Variants in PCDH7 observed in about 807,000 individuals in gnomAD.
The protein encoded by PCDH7 is protocadherin 7, also known as protocadherin-7.
A neutral mutation model predicts 58.9 loss-of-function variants in PCDH7; 17 were observed. The ratio of observed to expected loss-of-function variants is 0.29; its 90% CI spans 0.20 to 0.43. PCDH7 has a LOEUF of 0.43. PCDH7 is among the 20% of genes least tolerant of loss of function. PCDH7 has a pLI of 1.00. For synonymous variants in PCDH7, 664 were observed against 616.4 expected (o/e 1.08, Z -1.14); for missense variants, 1,274 against 1,441.0 (o/e 0.88, Z 1.88).
chr4:30,839,378 T>C lies in PCDH7; in HGVS notation c.71-80775T>C, dbSNP rs565287636. Reference sequence around the variant, plus strand: ...AACAGAAGTAACGATAGTTTTTATATAGCTATTGTGTGTAAGCTGCAAAAT... The same window carrying C: ...AACAGAAGTAACGATAGTTTTTATACAGCTATTGTGTGTAAGCTGCAAAAT... On this transcript the variant is annotated intron_variant, in intron 1 of 3. Transcript: ENST00000509759. Among the ~76,000 whole-genome samples the C allele has an allele frequency of 1.3e-4, 20 of 152,290 alleles. No homozygotes were observed. In the East Asian group the frequency reaches 3.7e-3, roughly 28 times the overall value.
At chr4:31,034,047 T>C (rs1348615628) in intron 3 of PCDH7, among the ~76,000 whole-genome samples, 1 of 152,170 alleles carries the variant, frequency 6.6e-6, no homozygotes, top group East Asian at 1.9e-4. Flanking sequence ...TGCGTGGAAA[T>C]CACACCACTG....
intron 1 of PCDH7, among the ~76,000 whole-genome samples, chr4:30,821,711 T>A (rs1728399143): frequency 6.6e-6 from 1 of 152,188 alleles, no homozygotes; most frequent in Admixed American, 6.5e-5. Context: ...ATAAATGGTC[T>A]GTGTTCATGG....
chr4:30,993,539 T>C (rs1181246803), intron 3 of PCDH7, among the ~76,000 whole-genome samples: 5 of 152,144 alleles, frequency 3.3e-5, no homozygotes, highest in Admixed American at 2.6e-4. Flanking sequence ...CCATTCCTAA[T>C]GTAAGTATTA....
intron 3 of PCDH7, among the ~76,000 whole-genome samples, chr4:31,087,702 G>C (rs1383835385): frequency 6.6e-6 from 1 of 152,070 alleles, no homozygotes; most frequent in Non-Finnish European, 1.5e-5. Context: ...CCAATATGAA[G>C]GGAACTAAAA....
At chr4:31,077,091 A>C (rs1282001560) in intron 3 of PCDH7, among the ~76,000 whole-genome samples, 1 of 152,184 alleles carries the variant, frequency 6.6e-6, no homozygotes, top group Admixed American at 6.5e-5. Flanking sequence ...ATACATACAC[A>C]CATAAATCTG....
chr4:30,911,687 T>C (rs1741797342), intron 1 of PCDH7, among the ~76,000 whole-genome samples: 1 of 152,166 alleles, frequency 6.6e-6, no homozygotes, highest in Admixed American at 6.6e-5. Flanking sequence ...CATTTTTCAT[T>C]AGTGGCGGAA....
intron 1 of PCDH7, among the ~76,000 whole-genome samples, chr4:30,888,761 G>A (rs954952327): frequency 2.6e-5 from 4 of 152,168 alleles, no homozygotes; most frequent in African/African-American, 4.8e-5. Flanking sequence ...AGAGTGGTTT[G>A]ACAGACTTGT....
chr4:30,893,090 G>T (rs771778038), intron 1 of PCDH7, among the ~76,000 whole-genome samples: 13 of 151,928 alleles, frequency 8.6e-5, no homozygotes, highest in Non-Finnish European at 1.3e-4. Flanking sequence ...TCATTTTTCT[G>T]AATACATTTT....
intron 3 of PCDH7, among the ~76,000 whole-genome samples, chr4:30,956,932 A>G (rs1747916758): frequency 6.6e-6 from 1 of 152,232 alleles, no homozygotes; most frequent in African/African-American, 2.4e-5. Context: ...TAGGTAGCAT[A>G]GGCTGCTGTG....
chr4:30,857,192 T>C (rs1443174187), intron 1 of PCDH7, among the ~76,000 whole-genome samples: 1 of 152,158 alleles, frequency 6.6e-6, no homozygotes, highest in Non-Finnish European at 1.5e-5. Flanking sequence ...CTGGGGTGTG[T>C]TTTCTGAATG....
intron 1 of PCDH7, among the ~76,000 whole-genome samples, chr4:30,743,745 C>G (rs1398815645): frequency 2.6e-5 from 4 of 152,024 alleles, no homozygotes; most frequent in Non-Finnish European, 5.9e-5. Flanking sequence ...CACACACACA[C>G]ACGTATACCT....
intron 3 of PCDH7, among the ~76,000 whole-genome samples, chr4:31,051,204 A>G (rs1249024188): frequency 1.3e-5 from 2 of 152,108 alleles, no homozygotes; most frequent in African/African-American, 4.8e-5. Context: ...CCACCTTACA[A>G]GCATCTGTTA....
intron 3 of PCDH7, among the ~76,000 whole-genome samples, chr4:31,062,092 T>C (rs1274033996): frequency 6.6e-6 from 1 of 151,740 alleles, no homozygotes; most frequent in Admixed American, 6.6e-5. Context: ...ATGTAGTTTG[T>C]ATGTTATATT....
chr4:30,903,125 C>A (rs1040620518), intron 1 of PCDH7, among the ~76,000 whole-genome samples: 7 of 152,066 alleles, frequency 4.6e-5, no homozygotes, highest in African/African-American at 7.2e-5. Context: ...TGAATATTCT[C>A]ATTTTCCTAA....
At chr4:30,808,083 C>T (rs1228851291) in intron 1 of PCDH7, among the ~76,000 whole-genome samples, 1 of 152,132 alleles carries the variant, frequency 6.6e-6, no homozygotes, top group African/African-American at 2.4e-5. Context: ...GACTGAGATC[C>T]AAACATGTAC....
At chr4:30,819,755 G>A (rs747745184) in intron 1 of PCDH7, among the ~76,000 whole-genome samples, 35 of 152,058 alleles carry the variant, frequency 2.3e-4, no homozygotes, top group Non-Finnish European at 3.5e-4. Flanking sequence ...TAATTGGGCC[G>A]GACAAAGAGC....
intron 3 of PCDH7, among the ~76,000 whole-genome samples, chr4:30,964,774 T>C (rs987809352): frequency 2.0e-5 from 3 of 152,188 alleles, no homozygotes; most frequent in Non-Finnish European, 4.4e-5. Flanking sequence ...AGGCAATTCA[T>C]GTACAAACTA....
At chr4:30,964,157 A>C (rs4536890) in intron 3 of PCDH7, among the ~76,000 whole-genome samples, 93,454 of 151,926 alleles carry the variant, frequency 0.62, 30,027 homozygotes, top group African/African-American at 0.81. Flanking sequence ...GAAATGTCTT[A>C]TTCATAGCTT....
chr4:30,910,556 AAAG>A (rs1226790884), intron 1 of PCDH7, among the ~76,000 whole-genome samples: 1 of 152,220 alleles, frequency 6.6e-6, no homozygotes, highest in Admixed American at 6.5e-5. Context: ...CATATGAAAA[AAAG>A]CCCATCATCA....
Sources: allele counts gnomAD v4.1 joint callset (sites outside exome capture counted in the v4.1 genomes callset), GRCh38; gene constraint gnomAD v4.1.1; transcripts MANE v1.5; gene names NCBI Gene and HGNC (gene_info 2026-07-23, HGNC 2026-07-21).